The following CPAMD8 variants were observed in gnomAD, a reference collection of about 807,000 sequenced individuals.
The protein encoded by CPAMD8 is C3 and PZP like alpha-2-macroglobulin domain containing 8, also known as C3 and PZP-like alpha-2-macroglobulin domain-containing protein 8.
CPAMD8 carries 146 observed loss-of-function variants against 224.7 expected under a neutral mutation model. The observed-to-expected ratio is 0.65, with a 90% confidence interval of 0.57 to 0.75. The LOEUF (loss-of-function observed/expected upper bound fraction) is 0.75. CPAMD8 is among the 30% of genes least tolerant of loss of function. The pLI is 0.00. For synonymous variants in CPAMD8, 966 were observed against 1,044.6 expected (o/e 0.92, Z 1.45); for missense variants, 2,301 against 2,537.5 (o/e 0.91, Z 2.00).
chr19:16,906,337 C>CCTTTCTTTCTTTCTTT (rs35867251), intron 30 of CPAMD8, among the ~76,000 whole-genome samples: 32 of 81,730 alleles, frequency 3.9e-4, no homozygotes, highest in East Asian at 2.1e-3. Flanking sequence ...TCCTTCTTTC[C>CCTTTCTTTCTTTCTTT]CTTTCTTTCT....
At chr19:16,980,796 G>C in intron 13 of CPAMD8, 110 bp from the exon 14 acceptor site, 1 of 797,688 alleles carries the variant, frequency 1.3e-6, no homozygotes, top group South Asian at 1.9e-5. Context: ...CTGAGGGAGC[G>C]GAGTGCCCAG....
At position 16,946,460 on chromosome 19, in the gene CPAMD8, T is replaced by C. The variant is rs114066537; in HGVS notation, c.2662+614A>G. 2.7e-3 allele frequency among the ~76,000 whole-genome samples: 401 copies of C among 147,316 alleles called. 1 individual carries two copies. The highest frequency in any genetic ancestry group is 9.5e-3 in the African/African-American group (375 of 39,280). On this transcript the variant is annotated intron_variant, in intron 21 of 41. Transcript: ENST00000443236. Reference sequence around the variant, plus strand: ...GAATGCATGTCTACACATGTGGGCATGTGTGTGGATCTGTGTGTATGCATG... The same window carrying C: ...GAATGCATGTCTACACATGTGGGCACGTGTGTGGATCTGTGTGTATGCATG...
At chr19:16,919,202 C>CA (rs1200832032) in intron 27 of CPAMD8, among the ~76,000 whole-genome samples, 1 of 110,298 alleles carries the variant, frequency 9.1e-6, no homozygotes, top group Non-Finnish European at 2.2e-5. Flanking sequence ...GACCCCATCT[C>CA]AAAAAAAGAA....
intron 6 of CPAMD8, 116 bp from the exon 7 acceptor site, chr19:17,008,675 G>C (rs767663572): frequency 1.7e-6 from 2 of 1,161,414 alleles, no homozygotes; most frequent in South Asian, 2.5e-5. Context: ...TGCAGCGAAG[G>C]TCCCAAGATT....
At position 16,922,509 on chromosome 19, in the gene CPAMD8, G is replaced by C. The variant is rs138187953; in HGVS notation, c.3548-523C>G. Among the ~76,000 whole-genome samples the C allele has an allele frequency of 7.3e-4, 110 of 151,350 alleles. 1 individual carries two copies. The highest frequency in any genetic ancestry group is 2.6e-3 in the African/African-American group (107 of 41,108). ...CTGAAACTGCCCCACACTACATCTG[G>C]GGTCCCTGAAACTGCTCCACACCAC... is the stretch of plus-strand genomic sequence containing the variant. On this transcript the variant is annotated intron_variant, in intron 26 of 41. Coordinates refer to ENST00000443236, the MANE Select transcript of CPAMD8 (RefSeq NM_015692.5).
chr19:16,947,542 C>T (rs560609763), intron 20 of CPAMD8, among the ~76,000 whole-genome samples: 124 of 152,332 alleles, frequency 8.1e-4, no homozygotes, highest in Middle Eastern at 3.4e-3. Flanking sequence ...GCTGCCTCTC[C>T]TGCATGTCCA....
At chr19:16,914,997 C>T (rs975798572) in intron 27 of CPAMD8, among the ~76,000 whole-genome samples, 184 bp from the exon 28 acceptor site, 20 of 152,228 alleles carry the variant, frequency 1.3e-4, no homozygotes, top group African/African-American at 4.8e-4. Context: ...TTGCCCAGCA[C>T]CCAGTGGGGC....
chr19:16,965,552 G>A (rs1331106927), intron 18 of CPAMD8, among the ~76,000 whole-genome samples: 2 of 152,112 alleles, frequency 1.3e-5, no homozygotes, highest in African/African-American at 4.8e-5. Flanking sequence ...AAGTCAAATT[G>A]TCCCTGTTTG....
At chr19:16,933,549 A>T (rs1159406501) in intron 23 of CPAMD8, among the ~76,000 whole-genome samples, 3 of 152,086 alleles carry the variant, frequency 2.0e-5, no homozygotes, top group Non-Finnish European at 4.4e-5. Flanking sequence ...TTCCACAAAA[A>T]AAAAGACATA....
At position 16,970,896 on chromosome 19, in the gene CPAMD8, G is replaced by T. The variant is rs1181776465; in HGVS notation, c.2208C>A (p.Pro736=). The change falls in exon 18 of 42, where the codon CCC becomes CCA. Residue 736 remains proline, a synonymous_variant. Transcript: ENST00000443236. The stretch of plus-strand genomic sequence containing the variant: ...CTCAATGTATAAGCCGTTACCTGGG[G>T]GGGTGCCTGGAAGGAGCCACTGCCA... ...SLVAVAPSRH[P]PRTEKRKRTF... is the part of the protein sequence containing the mutation. The T allele has an allele frequency of 6.2e-7, 1 of 1,613,536 alleles. No homozygotes were observed. Among genetic ancestry groups the T allele is most frequent in the Non-Finnish European group, 8.5e-7 (1 of 1,179,872 alleles).
chr19:17,013,740 C>T (rs2056729136), intron 3 of CPAMD8, among the ~76,000 whole-genome samples: 1 of 151,642 alleles, frequency 6.6e-6, no homozygotes, highest in Non-Finnish European at 1.5e-5. Context: ...ATTGCACAAC[C>T]CTGTCAATGT....
At chr19:17,026,289 C>G (rs1375211772) in intron 1 of CPAMD8, among the ~76,000 whole-genome samples, 1 of 152,178 alleles carries the variant, frequency 6.6e-6, no homozygotes, top group Non-Finnish European at 1.5e-5. Context: ...GATGACAGCC[C>G]GGGTCACACG....
At chr19:16,906,007 G>A (rs1334883477) in intron 30 of CPAMD8, among the ~76,000 whole-genome samples, 1 of 148,088 alleles carries the variant, frequency 6.8e-6, no homozygotes, top group Admixed American at 7.8e-5. Flanking sequence ...CAGCACCCCT[G>A]TCCTGGGATG....
chr19:16,968,211 A>C (rs1000670809), intron 18 of CPAMD8, among the ~76,000 whole-genome samples: 1 of 152,022 alleles, frequency 6.6e-6, no homozygotes, highest in African/African-American at 2.4e-5. Flanking sequence ...CACATCTTGA[A>C]ATGCTTCCAT....
intron 30 of CPAMD8, among the ~76,000 whole-genome samples, chr19:16,906,538 G>C (rs184784515): frequency 6.6e-6 from 1 of 151,442 alleles, no homozygotes; most frequent in East Asian, 1.9e-4. Context: ...CGAGTAGCTG[G>C]GGTTATAGGC....
chr19:16,942,966 C>T (rs2053949926), intron 22 of CPAMD8, among the ~76,000 whole-genome samples: 1 of 151,882 alleles, frequency 6.6e-6, no homozygotes, highest in South Asian at 2.1e-4. Flanking sequence ...TTGAATCATA[C>T]ACCATGTGGC....
intron 29 of CPAMD8, among the ~76,000 whole-genome samples, chr19:16,908,489 G>C (rs1184888592): frequency 6.6e-6 from 1 of 152,168 alleles, no homozygotes; most frequent in East Asian, 1.9e-4. Context: ...GCCCTCCCTA[G>C]AATGTGATCT....
intron 7 of CPAMD8, among the ~76,000 whole-genome samples, chr19:17,006,525 T>C (rs1371806893): frequency 6.8e-6 from 1 of 146,268 alleles, no homozygotes; most frequent in African/African-American, 2.6e-5. Flanking sequence ...AGAACCTGCC[T>C]CTTGAGAAAA....
chr19:16,961,637 T>A (rs910915290), intron 18 of CPAMD8, among the ~76,000 whole-genome samples: 1 of 152,236 alleles, frequency 6.6e-6, no homozygotes. Context: ...TAAACGTCCC[T>A]GTCTGACAGC....
Sources: gnomAD v4.1 joint callset for allele counts (sites outside exome capture counted in the v4.1 genomes callset) on GRCh38, gnomAD v4.1.1 for gene constraint, MANE v1.5 for transcripts, NCBI Gene and HGNC (gene_info 2026-07-23, HGNC 2026-07-21) for gene names.